The following TMEM132D variants were observed in gnomAD, a reference collection of about 807,000 sequenced individuals.
TMEM132D encodes transmembrane protein 132D, also known as mature OL transmembrane protein.
TMEM132D carries 21 observed loss-of-function variants against 62.3 expected under a neutral mutation model. The observed-to-expected ratio is 0.34, with a 90% CI of 0.24 to 0.49. The LOEUF (loss-of-function observed/expected upper bound fraction) is 0.49, where lower values mean the gene tolerates loss of function less well. Among genes scored for constraint, TMEM132D ranks in the 20% least tolerant of loss-of-function variants. TMEM132D has a pLI of 0.99. For missense variants in TMEM132D, 1,346 were observed against 1,402.8 expected (o/e 0.96, Z 0.65); for synonymous variants, 621 against 575.6 (o/e 1.08, Z -1.13).
At chr12:129,272,719 A>T (rs1300952020) in intron 4 of TMEM132D, among the ~76,000 whole-genome samples, 1 of 151,730 alleles carries the variant, frequency 6.6e-6, no homozygotes, top group Non-Finnish European at 1.5e-5. Flanking sequence ...GCAAATCAAG[A>T]CCACAGTGGA....
intron 3 of TMEM132D, among the ~76,000 whole-genome samples, chr12:129,447,638 A>C (rs558862129): frequency 6.6e-6 from 1 of 152,324 alleles, no homozygotes; most frequent in African/African-American, 2.4e-5. Flanking sequence ...CTTTCTTGCC[A>C]AAAGGTTCAT....
intron 5 of TMEM132D, among the ~76,000 whole-genome samples, chr12:129,190,261 CA>C (rs1878351892): frequency 1.5e-5 from 1 of 68,906 alleles, no homozygotes; most frequent in Non-Finnish European, 2.9e-5. Context: ...GAGGGAGTCT[CA>C]GGCCTGCAGA....
At position 129,562,094 on chromosome 12, in the gene TMEM132D, T is replaced by C. The variant is rs188888311; in HGVS notation, c.969-30889A>G. On this transcript the variant is annotated intron_variant, in intron 2 of 8. Transcript: ENST00000422113. The stretch of plus-strand genomic sequence containing the variant: ...CACTGAAATTTTGTATAGAATATAC[T>C]ATGTATTGATTAATTAATTCATAAA... Among the ~76,000 whole-genome samples, 3 of 152,354 alleles carry C rather than the reference T, an allele frequency of 2.0e-5. No individual in the cohort carries two copies. The East Asian group carries it at 5.8e-4, about 29-fold the overall frequency.
At chr12:129,370,904 G>C (rs1384815284) in intron 3 of TMEM132D, among the ~76,000 whole-genome samples, 1 of 152,152 alleles carries the variant, frequency 6.6e-6, no homozygotes, top group Non-Finnish European at 1.5e-5. Context: ...ATAAAGAGAA[G>C]TTGGTTAATG....
At chr12:129,500,556 C>A (rs1875108561) in intron 3 of TMEM132D, among the ~76,000 whole-genome samples, 1 of 152,216 alleles carries the variant, frequency 6.6e-6, no homozygotes, top group Non-Finnish European at 1.5e-5. Flanking sequence ...CCAAAGGGAC[C>A]TGGATGGGGT....
intron 3 of TMEM132D, among the ~76,000 whole-genome samples, chr12:129,422,002 C>T (rs377211660): frequency 9.3e-5 from 14 of 150,898 alleles, no homozygotes; most frequent in African/African-American, 2.4e-4. Flanking sequence ...TGTGCCTTCG[C>T]GGTCAAATCC....
At chr12:129,853,109 A>C (rs1158270299) in intron 1 of TMEM132D, 2 of 152,160 alleles carry the variant, frequency 1.3e-5, no homozygotes, top group East Asian at 3.9e-4. Flanking sequence ...CAGCTTAAGA[A>C]AGGCCTGTGG....
chr12:129,190,907 AC>A (rs556475176), intron 5 of TMEM132D, among the ~76,000 whole-genome samples: 316 of 151,768 alleles, frequency 2.1e-3, no homozygotes, highest in African/African-American at 7.0e-3. Context: ...TGCCGGTGAG[AC>A]CCCCTCAGAC....
rs1053125877 is a variant in TMEM132D, at chr12:129,803,131, G to A, written c.79+100130C>T. 4.9e-4 allele frequency among the ~76,000 whole-genome samples: 74 copies of A among 151,548 alleles called. 1 individual carries two copies. In the East Asian group the frequency reaches 0.011, roughly 22 times the overall value. On this transcript the variant is annotated intron_variant, in intron 1 of 8. Transcript: ENST00000422113. ...CACTGTCAACATTAGACAGATCAAC[G>A]AGACAGAAAGTCAACAAGGATACCC...
At chr12:129,811,260 C>T (rs1872169153) in intron 1 of TMEM132D, among the ~76,000 whole-genome samples, 1 of 151,372 alleles carries the variant, frequency 6.6e-6, no homozygotes, top group Admixed American at 6.6e-5. Context: ...ATGCCCAACA[C>T]TTAGTGAGTG....
intron 2 of TMEM132D, among the ~76,000 whole-genome samples, chr12:129,681,968 A>C (rs1880788189): frequency 6.6e-6 from 1 of 152,214 alleles, no homozygotes; most frequent in South Asian, 2.1e-4. Context: ...GATTTGAAGG[A>C]GGGACGGGAA....
intron 4 of TMEM132D, among the ~76,000 whole-genome samples, chr12:129,250,423 CA>C (rs1352483495): frequency 6.6e-6 from 1 of 152,142 alleles, no homozygotes; most frequent in East Asian, 1.9e-4. Context: ...CAGAGTAAAA[CA>C]ATTTATTATT....
At chr12:129,209,951 T>A in intron 4 of TMEM132D, 1 of 386,190 alleles carries the variant, frequency 2.6e-6, no homozygotes, top group South Asian at 3.9e-5. Flanking sequence ...CACTTATGTG[T>A]CAGGCACCCT....
At chr12:129,418,244 A>G (rs191978382) in intron 3 of TMEM132D, among the ~76,000 whole-genome samples, 140 of 152,326 alleles carry the variant, frequency 9.2e-4, no homozygotes, top group African/African-American at 3.2e-3. Flanking sequence ...TCATTCTACT[A>G]TAAAGACACA....
intron 1 of TMEM132D, among the ~76,000 whole-genome samples, chr12:129,860,577 G>A (rs778849750): frequency 3.9e-5 from 6 of 152,098 alleles, no homozygotes; most frequent in East Asian, 3.9e-4. Flanking sequence ...ACATATGTGC[G>A]TATATATATA....
intron 8 of TMEM132D, among the ~76,000 whole-genome samples, chr12:129,077,337 T>C (rs1262553627): frequency 6.6e-6 from 1 of 152,038 alleles, no homozygotes; most frequent in Non-Finnish European, 1.5e-5. Context: ...GGATTCCAGC[T>C]GCCCCACATG....
At chr12:129,403,231 C>A (rs183653017) in intron 3 of TMEM132D, among the ~76,000 whole-genome samples, 43 of 149,414 alleles carry the variant, frequency 2.9e-4, no homozygotes, top group Admixed American at 2.6e-3. Context: ...GACTTGTCAG[C>A]GAAGGTGATT....
At chr12:129,076,207 A>G (rs1874251028) in intron 8 of TMEM132D, among the ~76,000 whole-genome samples, 2 of 152,364 alleles carry the variant, frequency 1.3e-5, no homozygotes, top group South Asian at 2.1e-4. Context: ...TGGACTATGT[A>G]TAAGCAAATG....
chr12:129,453,763 C>G (rs934176573), intron 3 of TMEM132D, among the ~76,000 whole-genome samples: 1 of 152,180 alleles, frequency 6.6e-6, no homozygotes, highest in African/African-American at 2.4e-5. Flanking sequence ...ATTGTCTCTC[C>G]TTGACTTGGC....
Sources: allele counts gnomAD v4.1 joint callset (sites outside exome capture counted in the v4.1 genomes callset), GRCh38; gene constraint gnomAD v4.1.1; transcripts MANE v1.5; gene names NCBI Gene and HGNC (gene_info 2026-07-23, HGNC 2026-07-21).